BBX: variants seen among roughly 807,000 people sequenced by gnomAD.
The protein encoded by BBX is BBX high mobility group box domain containing.
Under a neutral mutation model 100.2 loss-of-function variants are expected in BBX, and 30 were observed. The ratio of observed to expected loss-of-function variants is 0.30; its 90% CI spans 0.22 to 0.41. The LOEUF (loss-of-function observed/expected upper bound fraction) is 0.41. Ranked by LOEUF, BBX falls within the 10% of genes least tolerant of loss-of-function variation. BBX has a pLI of 1.00. For missense variants in BBX, 1,023 were observed against 1,129.8 expected, an observed-to-expected ratio of 0.91 and a Z score of 1.35; for synonymous variants, 376 against 388.1, an observed-to-expected ratio of 0.97 and a Z score of 0.37.
chr3:107,575,409 A>G (rs1214844813), intron 2 of BBX, among the ~76,000 whole-genome samples: 5 of 152,176 alleles, frequency 3.3e-5, no homozygotes, highest in Admixed American at 2.0e-4. Flanking sequence ...GCTTGATTAT[A>G]TCACTTTTCT....
intron 16 of BBX, 141 bp downstream of exon 16, chr3:107,798,861 A>G: frequency 1.0e-6 from 1 of 968,762 alleles, no homozygotes; most frequent in Admixed American, 2.9e-5. Context: ...CAAAAACAAA[A>G]AAAACCAGGC....
intron 2 of BBX, among the ~76,000 whole-genome samples, chr3:107,618,062 C>T (rs907124819): frequency 1.3e-5 from 2 of 151,924 alleles, no homozygotes; most frequent in Non-Finnish European, 2.9e-5. Context: ...TTCCTAACTT[C>T]ATTTAAGTTT....
intron 2 of BBX, among the ~76,000 whole-genome samples, chr3:107,533,198 C>T (rs1576196087): frequency 6.6e-6 from 1 of 151,964 alleles, no homozygotes; most frequent in Non-Finnish European, 1.5e-5. Flanking sequence ...TTTTTAAACC[C>T]CACAAAAATC....
chr3:107,733,501 A>C (rs879674440), intron 7 of BBX, among the ~76,000 whole-genome samples: 4 of 151,134 alleles, frequency 2.6e-5, no homozygotes, highest in African/African-American at 9.7e-5. Flanking sequence ...CTTCTTTCCC[A>C]CCCCCCCTTG....
At chr3:107,543,818 T>C (rs1227286561) in intron 2 of BBX, among the ~76,000 whole-genome samples, 1 of 152,216 alleles carries the variant, frequency 6.6e-6, no homozygotes, top group African/African-American at 2.4e-5. Context: ...AAATTGCTCA[T>C]AGCTGTTGAT....
At chr3:107,742,776 A>G (rs1175409614) in intron 7 of BBX, among the ~76,000 whole-genome samples, 1 of 152,192 alleles carries the variant, frequency 6.6e-6, no homozygotes, top group Non-Finnish European at 1.5e-5. Context: ...GTACAGGATT[A>G]TAGATGCCTT....
intron 8 of BBX, among the ~76,000 whole-genome samples, chr3:107,744,934 A>G (rs1258067482): frequency 1.3e-5 from 2 of 152,184 alleles, no homozygotes; most frequent in Non-Finnish European, 2.9e-5. Flanking sequence ...AGTCATACTA[A>G]ATATTATTAA....
Position 107,772,911 on chromosome 3 carries a change from TAGA to T in BBX, c.1197_1199del (p.Glu399del), listed in dbSNP as rs34531902. ...CCCAAAGAAATTAGAAAGGAAGAGT[TAGA>T]AGAAGATCACAAATGTAGTCATTTT... On this transcript the variant is annotated inframe_deletion, in exon 11 of 18. Transcript: ENST00000325805. 0.1 allele frequency: 169,113 copies of T among 1,611,080 alleles called. 10,481 individuals carry two copies. Among genetic ancestry groups the T allele is most frequent in the Non-Finnish European group, 0.12 (146,037 of 1,179,086 alleles).
Position 107,716,786 on chromosome 3 carries a change from A to C in BBX, c.342A>C (p.Leu114=), listed in dbSNP as rs780167081. ...RLDNRGATKI[L]ADWWAVLDPK... ...ATAACCGAGGTGCTACCAAGATACT[A>C]GCTGATTGGTGGGCTGTTCTTGATC... Residue 114 remains leucine, a synonymous_variant, in exon 5 of 18, where the codon CTA becomes CTC. Coordinates refer to ENST00000325805, the MANE Select transcript of BBX (RefSeq NM_001142568.3). 1.2e-6 allele frequency: 2 copies of C among 1,613,754 alleles called. No homozygotes were observed. Among genetic ancestry groups the C allele is most frequent in the Admixed American group, 3.3e-5 (2 of 59,982 alleles).
chr3:107,569,988 C>T (rs2107512215), intron 2 of BBX, among the ~76,000 whole-genome samples: 1 of 152,266 alleles, frequency 6.6e-6, no homozygotes, highest in South Asian at 2.1e-4. Flanking sequence ...GGCTGCCAGG[C>T]AAGTTGGACA....
At position 107,741,483 on chromosome 3, in the gene BBX, T is replaced by C. The variant is rs184025566; in HGVS notation, c.670-3147T>C. On this transcript the variant is annotated intron_variant, in intron 7 of 17. Transcript: ENST00000325805. ...TTAGCTATTTTTGTTTTTGGGCATA[T>C]AGCAACACCTAGTGGCTTTATCGAT... is the stretch of plus-strand genomic sequence containing the variant. Among the ~76,000 whole-genome samples the C allele has an allele frequency of 8.7e-4, 133 of 152,324 alleles. 1 individual carries two copies. Among genetic ancestry groups the C allele is most frequent in the Non-Finnish European group, 1.7e-3 (118 of 68,028 alleles).
chr3:107,801,154 A>G lies in BBX; in HGVS notation c.2611A>G (p.Asn871Asp), dbSNP rs1367204164. 7 of 1,614,238 alleles carry G rather than the reference A, an allele frequency of 4.3e-6. No individual in the cohort carries two copies. The highest frequency in any genetic ancestry group is 5.9e-6 in the Non-Finnish European group (7 of 1,180,038). Reference protein sequence around the residue: ...SLPKATETDCNDKCSHNTEVG... With the variant: ...SLPKATETDCDDKCSHNTEVG... ...CCCTAAAGCAACTGAGACAGACTGC[A>G]ATGACAAATGCTCACACAACACCGA... The change falls in exon 17 of 18, where the codon AAT (asparagine) becomes GAT (aspartate). Residue 871 changes from asparagine to aspartate, a missense_variant. By Grantham distance (23) the Asn-to-Asp change is conservative. Around this residue, in one of 9 missense-constraint regions of BBX, gnomAD observed 104 missense variants for 132.2 expected, o/e 0.79. Transcript: ENST00000325805.
chr3:107,602,967 G>A (rs979734183), intron 2 of BBX, among the ~76,000 whole-genome samples: 1 of 152,068 alleles, frequency 6.6e-6, no homozygotes, highest in Non-Finnish European at 1.5e-5. Flanking sequence ...GTTTTGTTTT[G>A]TTTTGTTTTG....
chr3:107,697,312 T>TC (rs1337215854), intron 3 of BBX, among the ~76,000 whole-genome samples: 6 of 151,918 alleles, frequency 3.9e-5, no homozygotes, highest in Non-Finnish European at 8.8e-5. Flanking sequence ...CTCTGTTTTT[T>TC]CCCCATCTTT....
At chr3:107,622,534 C>T (rs2055855043) in intron 2 of BBX, among the ~76,000 whole-genome samples, 1 of 152,130 alleles carries the variant, frequency 6.6e-6, no homozygotes, top group Admixed American at 6.6e-5. Context: ...TTTTGTACCC[C>T]ACCTGTAAGC....
intron 3 of BBX, among the ~76,000 whole-genome samples, chr3:107,683,517 AT>A (rs2059678430): frequency 1.3e-5 from 2 of 152,148 alleles, no homozygotes; most frequent in Non-Finnish European, 2.9e-5. Context: ...GATAGATGCA[AT>A]GGTATACACA....
intron 2 of BBX, among the ~76,000 whole-genome samples, chr3:107,615,841 A>G (rs1576507820): frequency 1.3e-5 from 2 of 152,046 alleles, no homozygotes; most frequent in East Asian, 3.9e-4. Flanking sequence ...TTTGGCAATC[A>G]TTGGCATATA....
At chr3:107,685,005 C>T (rs1013976306) in intron 3 of BBX, among the ~76,000 whole-genome samples, 1 of 152,106 alleles carries the variant, frequency 6.6e-6, no homozygotes, top group Non-Finnish European at 1.5e-5. Context: ...TGAAGAAATG[C>T]AATTTTGTGG....
chr3:107,655,522 T>C (rs1456580391), intron 3 of BBX, among the ~76,000 whole-genome samples: 5 of 148,232 alleles, frequency 3.4e-5, no homozygotes, highest in Admixed American at 1.3e-4. Flanking sequence ...TTTTTTTTTT[T>C]TTTTTTTTTT....
Sources: allele counts gnomAD v4.1 joint callset (sites outside exome capture counted in the v4.1 genomes callset), GRCh38; gene constraint gnomAD v4.1.1; regional missense constraint gnomAD v4.1.1; transcripts MANE v1.5; gene names NCBI Gene and HGNC (gene_info 2026-07-23, HGNC 2026-07-21).